The following ABL1 variants were observed in gnomAD, a reference collection of about 807,000 sequenced individuals.
ABL1 encodes tyrosine-protein kinase ABL1.
Under a neutral mutation model 94.7 loss-of-function variants are expected in ABL1, and 11 were observed. That is an observed-to-expected ratio of 0.12 (90% CI 0.07 to 0.19). The LOEUF (loss-of-function observed/expected upper bound fraction) is 0.19. Ranked by LOEUF, ABL1 falls within the 10% of genes least tolerant of loss-of-function variation. The probability of loss-of-function intolerance (pLI) is 1.00; values close to 1 mark genes in which losing one functional copy is unlikely to be tolerated. For synonymous variants in ABL1, 656 were observed against 622.4 expected, an observed-to-expected ratio of 1.05 and a Z score of -0.80; for missense variants, 1,082 against 1,489.4, an observed-to-expected ratio of 0.73 and a Z score of 4.50.
At position 130,774,726 on chromosome 9, in the gene ABL1, G is replaced by A. The variant is rs758287335; in HGVS notation, c.136+60271G>A. ...CCAGGCATGGTGGCGTGCATCTATA[G>A]TCCCAGCTACTTGAGGGGCTGAGGC... On this transcript the variant is annotated intron_variant, in intron 1 of 10. Coordinates refer to the ABL1 transcript ENST00000372348. Among the ~76,000 whole-genome samples, 183 of 152,022 alleles carry A rather than the reference G, an allele frequency of 1.2e-3. 4 individuals carry two copies. The highest frequency in any genetic ancestry group is 3.9e-4 in the Admixed American group (6 of 15,250).
intron 7 of ABL1, among the ~76,000 whole-genome samples, chr9:130,876,328 G>A (rs1321133037): frequency 6.6e-6 from 1 of 152,014 alleles, no homozygotes; most frequent in African/African-American, 2.4e-5. Context: ...TTACTCAGTG[G>A]TACAGTTCAT....
chr9:130,810,615 A>G (rs1830196348), intron 1 of ABL1, among the ~76,000 whole-genome samples: 1 of 150,076 alleles, frequency 6.7e-6, no homozygotes. Flanking sequence ...AATGAAGCAG[A>G]AAAAAAAAAG....
intron 1 of ABL1, among the ~76,000 whole-genome samples, chr9:130,772,957 A>G (rs929992269): frequency 1.3e-5 from 2 of 152,240 alleles, no homozygotes; most frequent in Non-Finnish European, 1.5e-5. Flanking sequence ...TCCCTAAAAT[A>G]TAATAAACAT....
At chr9:130,830,555 C>G (rs138050087), upstream of ABL1, among the ~76,000 whole-genome samples, 1,552 of 152,204 alleles carry the variant, frequency 0.01, 31 homozygotes, top group African/African-American at 0.032. Flanking sequence ...ATTTCCTGGT[C>G]CCTTGGAAAA....
chr9:130,877,506 G>C (rs1328924969), intron 7 of ABL1, among the ~76,000 whole-genome samples: 2 of 147,806 alleles, frequency 1.4e-5, no homozygotes, highest in African/African-American at 2.6e-5. Context: ...CCGGCGCCAG[G>C]TTCCTTCTAC....
chr9:130,741,849 A>T (rs1456132128), intron 1 of ABL1, among the ~76,000 whole-genome samples: 1 of 151,822 alleles, frequency 6.6e-6, no homozygotes, highest in Admixed American at 6.6e-5. Context: ...GCAAGATAAG[A>T]ACAACGTACT....
Position 130,770,363 on chromosome 9 carries a change from C to T in ABL1, c.136+55908C>T, listed in dbSNP as rs151312388. ...CTCTACAAAAAATTGAAAAATTAGC[C>T]GGGTGTGGTGGTGCACACCTGTAGT... On this transcript the variant is annotated intron_variant, in intron 1 of 10. Coordinates refer to the ABL1 transcript ENST00000372348. Among the ~76,000 whole-genome samples the T allele has an allele frequency of 7.9e-3, 1,202 of 152,082 alleles. 20 individuals are homozygous for T. The highest frequency in any genetic ancestry group is 0.028 in the African/African-American group (1,145 of 41,478).
At chr9:130,852,678 CA>C (rs555911579) in intron 1 of ABL1, among the ~76,000 whole-genome samples, 13 of 143,850 alleles carry the variant, frequency 9.0e-5, no homozygotes, top group Admixed American at 1.4e-4. Context: ...GAGCCCTGTT[CA>C]AAAAAAAAAG....
At chr9:130,858,052 A>G (rs1831004008) in intron 3 of ABL1, among the ~76,000 whole-genome samples, 1 of 151,982 alleles carries the variant, frequency 6.6e-6, no homozygotes. Flanking sequence ...CTTGCTTCCC[A>G]TGTGTGCTAT....
intron 1 of ABL1, among the ~76,000 whole-genome samples, chr9:130,754,301 G>T: frequency 6.6e-6 from 1 of 151,356 alleles, no homozygotes; most frequent in Non-Finnish European, 1.5e-5. Context: ...GAGGTCAGGA[G>T]ATCGAGACCA....
intron 10 of ABL1, among the ~76,000 whole-genome samples, chr9:130,882,289 A>G (rs945859752): frequency 1.3e-5 from 2 of 152,166 alleles, no homozygotes; most frequent in African/African-American, 4.8e-5. Context: ...TTAACTGCTC[A>G]GTGCTGAAAC....
At chr9:130,796,245 G>T (rs532622573) in intron 1 of ABL1, among the ~76,000 whole-genome samples, 24 of 152,152 alleles carry the variant, frequency 1.6e-4, no homozygotes, top group African/African-American at 4.3e-4. Context: ...CTTTTTGGCT[G>T]GCCACCATAG....
At chr9:130,827,533 A>C (rs1830441232) in intron 1 of ABL1, among the ~76,000 whole-genome samples, 1 of 152,192 alleles carries the variant, frequency 6.6e-6, no homozygotes, top group African/African-American at 2.4e-5. Flanking sequence ...ATAAAGGGTA[A>C]AACAAATAGC....
In ABL1 at chr9:130,725,824, G is replaced by GTT. The variant is rs34517462; in HGVS notation, c.136+11395_136+11396dup. Among the ~76,000 whole-genome samples, 45 of 76,004 alleles carry GTT rather than the reference G, an allele frequency of 5.9e-4. 2 individuals are homozygous for GTT. Among genetic ancestry groups the GTT allele is most frequent in the African/African-American group, 1.2e-3 (18 of 15,312 alleles). 49.9% of individuals were successfully genotyped at this position (76,004 alleles called of 152,430 possible). ...CTGTTGGTGGAACTTGTGTATGGTGGTTTTTTTTTTTTTTTTTTTTTTTTT... is the reference window on the plus strand; with the variant it reads ...CTGTTGGTGGAACTTGTGTATGGTGGTTTTTTTTTTTTTTTTTTTTTTTTTTT... On this transcript the variant is annotated intron_variant, in intron 1 of 10. Coordinates refer to the ABL1 transcript ENST00000372348.
At position 130,885,467 on chromosome 9, in the gene ABL1, C is replaced by T. The variant is rs372110433; in HGVS notation, c.3177C>T (p.Ala1059=). 1.9e-5 allele frequency: 31 copies of T among 1,614,040 alleles called. No homozygotes were observed. Among genetic ancestry groups the T allele is most frequent in the South Asian group, 3.3e-5 (3 of 91,078 alleles). ...QMASHSAVLE[A]GKNLYTFCVS... ...CCAGCCACAGCGCAGTGCTGGAGGC[C>T]GGCAAAAACCTCTACACGTTCTGCG... Residue 1059 remains alanine, a synonymous_variant, in exon 11 of 11, where the codon GCC becomes GCT. Transcript: ENST00000318560.
intron 1 of ABL1, among the ~76,000 whole-genome samples, chr9:130,737,390 C>A (rs1159296286): frequency 6.6e-6 from 1 of 151,712 alleles, no homozygotes; most frequent in East Asian, 2.0e-4. Flanking sequence ...GCCTCAGCCT[C>A]CCAAATAGCT....
chr9:130,804,245 G>A (rs1564294679), intron 1 of ABL1, among the ~76,000 whole-genome samples: 1 of 151,916 alleles, frequency 6.6e-6, no homozygotes, highest in Admixed American at 6.6e-5. Flanking sequence ...TGTAGTACCA[G>A]CTACCTGGGA....
intron 1 of ABL1, among the ~76,000 whole-genome samples, chr9:130,842,499 C>A (rs988909821): frequency 6.6e-6 from 1 of 152,074 alleles, no homozygotes; most frequent in Non-Finnish European, 1.5e-5. Context: ...AAAGACAGGC[C>A]GTGAATACAA....
chr9:130,856,434 C>T (rs1454290999), intron 3 of ABL1, among the ~76,000 whole-genome samples: 1 of 152,170 alleles, frequency 6.6e-6, no homozygotes, highest in Non-Finnish European at 1.5e-5. Flanking sequence ...GTCGCCCAGG[C>T]TAGTCTCAAA....
Sources: allele counts gnomAD v4.1 joint callset (sites outside exome capture counted in the v4.1 genomes callset), GRCh38; gene constraint gnomAD v4.1.1; transcripts MANE v1.5; gene names NCBI Gene and HGNC (gene_info 2026-07-23, HGNC 2026-07-21).